The following GLCCI1 variants were observed in gnomAD, a reference collection of about 807,000 sequenced individuals.
The protein encoded by GLCCI1 is glucocorticoid induced 1, also known as glucocorticoid-induced transcript 1 protein.
A neutral mutation model predicts 52.2 loss-of-function variants in GLCCI1; 24 were observed. The observed-to-expected ratio is 0.46, with a 90% CI of 0.33 to 0.65. GLCCI1 has a LOEUF of 0.65. Among genes scored for constraint, GLCCI1 ranks in the 30% least tolerant of loss-of-function variants. The probability of loss-of-function intolerance (pLI) is 0.02; values close to 1 mark genes in which losing one functional copy is unlikely to be tolerated. For missense variants in GLCCI1, 704 were observed against 701.5 expected (o/e 1.00, Z -0.04); for synonymous variants, 310 against 276.5 (o/e 1.12, Z -1.20).
chr7:7,970,892 A>G (rs892711310), intron 1 of GLCCI1, among the ~76,000 whole-genome samples: 2 of 151,728 alleles, frequency 1.3e-5, no homozygotes, highest in Non-Finnish European at 2.9e-5. Context: ...TTGGAAGGGA[A>G]ACACTGTCAA....
Position 7,969,321 on chromosome 7 carries a change from C to A in GLCCI1, c.-30C>A. 1 of 1,405,748 alleles carries A rather than the reference C, an allele frequency of 7.1e-7. No homozygotes were observed. Among genetic ancestry groups the A allele is most frequent in the Non-Finnish European group, 9.3e-7 (1 of 1,073,972 alleles). 87.1% of individuals were successfully genotyped at this position (1,405,748 alleles called of 1,614,324 possible). A position where few individuals can be genotyped will look rare whatever the true frequency, so the allele number is the denominator to read the frequency against. ...CTCCCGCCCCGCGCCTCCGTGTCGGCCGGCGGCGTCCAGGGCCCGCAGAGC... is the reference window on the plus strand; with the variant it reads ...CTCCCGCCCCGCGCCTCCGTGTCGGACGGCGGCGTCCAGGGCCCGCAGAGC... On this transcript the variant is annotated 5_prime_UTR_variant, in exon 1 of 8. Coordinates refer to ENST00000223145, the MANE Select transcript of GLCCI1 (RefSeq NM_138426.4). This position sits in a 1 kb window ranked among gnomAD's most constrained non-coding sequence, Gnocchi z 4.9.
intron 7 of GLCCI1, among the ~76,000 whole-genome samples, chr7:8,085,271 A>C (rs1301728502): frequency 6.6e-6 from 1 of 152,222 alleles, no homozygotes; most frequent in Admixed American, 6.5e-5. Flanking sequence ...ATTTTTAATC[A>C]TTAAGAATTG....
chr7:8,047,470 A>G (rs970332252), intron 3 of GLCCI1, among the ~76,000 whole-genome samples: 7 of 152,198 alleles, frequency 4.6e-5, no homozygotes, highest in Non-Finnish European at 1.0e-4. Context: ...ACTTTTTACA[A>G]CCGTTAATTT....
intron 3 of GLCCI1, among the ~76,000 whole-genome samples, chr7:8,037,485 A>G (rs1781892788): frequency 6.6e-6 from 1 of 152,222 alleles, no homozygotes; most frequent in South Asian, 2.1e-4. Flanking sequence ...CAGTTCCACA[A>G]CTGAGACTAC....
At chr7:7,996,928 A>G (rs1184072086) in intron 1 of GLCCI1, among the ~76,000 whole-genome samples, 6 of 152,224 alleles carry the variant, frequency 3.9e-5, no homozygotes, top group Admixed American at 3.9e-4. Flanking sequence ...TTCAGATAGC[A>G]TATTCACAAC....
intron 5 of GLCCI1, among the ~76,000 whole-genome samples, chr7:8,066,162 C>T (rs1335596572): frequency 6.6e-6 from 1 of 151,942 alleles, no homozygotes; most frequent in African/African-American, 2.4e-5. Flanking sequence ...CTGTTTTTTT[C>T]TGTATTTTCT....
At chr7:8,001,215 C>G (rs1360388496) in intron 1 of GLCCI1, among the ~76,000 whole-genome samples, 1 of 152,122 alleles carries the variant, frequency 6.6e-6, no homozygotes, top group African/African-American at 2.4e-5. Flanking sequence ...CCTTCAGGAG[C>G]TCTTGTAAGG....
At chr7:7,975,932 C>T (rs1035939442) in intron 1 of GLCCI1, among the ~76,000 whole-genome samples, 1 of 152,148 alleles carries the variant, frequency 6.6e-6, no homozygotes, top group Non-Finnish European at 1.5e-5. Flanking sequence ...CTTTTCTCCC[C>T]TTTTCTCTCT....
intron 1 of GLCCI1, among the ~76,000 whole-genome samples, chr7:7,991,924 A>G (rs932649678): frequency 2.3e-4 from 35 of 152,064 alleles, no homozygotes; most frequent in Admixed American, 2.3e-3. Flanking sequence ...CTCCAATTTC[A>G]GTTACTTTCT....
chr7:8,028,669 T>G (rs1781680544), intron 3 of GLCCI1, among the ~76,000 whole-genome samples: 1 of 151,676 alleles, frequency 6.6e-6, no homozygotes, highest in South Asian at 2.1e-4. Context: ...ATGACTGAAA[T>G]TAAAAGTTAG....
chr7:8,045,456 G>A (rs1229082722), intron 3 of GLCCI1, among the ~76,000 whole-genome samples: 1 of 152,124 alleles, frequency 6.6e-6, no homozygotes, highest in African/African-American at 2.4e-5. Context: ...ATGATGAAAG[G>A]ACCTATTGTA....
At chr7:8,011,709 A>G (rs1781265100) in intron 2 of GLCCI1, among the ~76,000 whole-genome samples, 1 of 152,116 alleles carries the variant, frequency 6.6e-6, no homozygotes, top group African/African-American at 2.4e-5. Flanking sequence ...TAAATTTTTG[A>G]TGAACTGATG....
In GLCCI1 at chr7:8,080,813, CT is replaced by C. The variant is rs985989840; in HGVS notation, c.1178-4077del. ...CTGTGTTTCAGGCACTATCCTAATC[CT>C]TTTTTTGTTTGTTTTTTGGTTTTGG... On this transcript the variant is annotated intron_variant, in intron 6 of 7. Transcript: ENST00000223145. Among the ~76,000 whole-genome samples, 138 of 147,806 alleles carry C rather than the reference CT, an allele frequency of 9.3e-4. 2 individuals carry two copies. Among genetic ancestry groups the C allele is most frequent in the African/African-American group, 3.0e-3 (123 of 40,550 alleles).
At chr7:8,019,355 T>C (rs1369848211) in intron 2 of GLCCI1, among the ~76,000 whole-genome samples, 1 of 152,216 alleles carries the variant, frequency 6.6e-6, no homozygotes, top group African/African-American at 2.4e-5. Context: ...AGCTGTTGTA[T>C]TGGACAATTC....
At chr7:7,979,965 TCG>T (rs1780576956) in intron 1 of GLCCI1, among the ~76,000 whole-genome samples, 1 of 152,222 alleles carries the variant, frequency 6.6e-6, no homozygotes, top group African/African-American at 2.4e-5. Context: ...TGGCAGTGTC[TCG>T]CTGTGTCACC....
chr7:8,056,349 G>T (rs1482394259), intron 4 of GLCCI1, among the ~76,000 whole-genome samples: 2 of 152,100 alleles, frequency 1.3e-5, no homozygotes, highest in Non-Finnish European at 2.9e-5. Context: ...GTGGTGTCAA[G>T]GATGATACTG....
At chr7:7,976,499 GGAAAGGAAAAAGGAAAGGA>G (rs1562413217) in intron 1 of GLCCI1, among the ~76,000 whole-genome samples, 908 of 71,542 alleles carry the variant, frequency 0.013, 29 homozygotes, top group African/African-American at 0.044. Flanking sequence ...AAAAAAAAAA[GGAAAGGAAAAAGGAAAGGA>G]GAAAGGAAAA....
rs1782750004 is a variant in GLCCI1, at chr7:8,071,001, G to A, written c.1047G>A (p.Gln349=). ...GTAGTACTCGCAGCATTGACACTCA[G>A]ACTCCTTCTGTCCAGGAGCGCAGCA... ...RSSSTRSIDT[Q]TPSVQERSSS... The change falls in exon 6 of 8, where the codon CAG becomes CAA. Residue 349 remains glutamine, a synonymous_variant. Coordinates refer to ENST00000223145, the MANE Select transcript of GLCCI1 (RefSeq NM_138426.4). 2 of 1,614,116 alleles carry A rather than the reference G, an allele frequency of 1.2e-6. No individual in the cohort carries two copies. Among genetic ancestry groups the A allele is most frequent in the South Asian group, 1.1e-5 (1 of 91,066 alleles).
chr7:7,975,203 G>A (rs1462059700), intron 1 of GLCCI1, among the ~76,000 whole-genome samples: 1 of 152,162 alleles, frequency 6.6e-6, no homozygotes, highest in Non-Finnish European at 1.5e-5. Flanking sequence ...TAATGGATTA[G>A]CAGTAATTCT....
Sources: gnomAD v4.1 joint callset for allele counts (sites outside exome capture counted in the v4.1 genomes callset) on GRCh38, gnomAD v4.1.1 for gene constraint, Gnocchi (gnomAD v3.1) non-coding constraint, MANE v1.5 for transcripts, NCBI Gene and HGNC (gene_info 2026-07-23, HGNC 2026-07-21) for gene names.